RBFOX1: variants seen among roughly 807,000 people sequenced by gnomAD.
RBFOX1 encodes the protein RNA binding fox-1 homolog 1, also known as RNA binding protein fox-1 homolog 1.
In RBFOX1, 8 loss-of-function variants were observed where a neutral mutation model predicts 57.7. That is an observed-to-expected ratio of 0.14 (90% CI 0.08 to 0.25). RBFOX1 has a LOEUF of 0.25. Ranked by LOEUF, RBFOX1 falls within the 10% of genes least tolerant of loss-of-function variation. RBFOX1 has a pLI of 1.00. For missense variants in RBFOX1, 611 were observed against 548.5 expected (o/e 1.11, Z -1.14); for synonymous variants, 326 against 222.4 (o/e 1.47, Z -4.15).
intron 1 of RBFOX1, among the ~76,000 whole-genome samples, chr16:6,073,659 G>T (rs1367306212): frequency 6.6e-6 from 1 of 152,096 alleles, no homozygotes; most frequent in Admixed American, 6.5e-5. Context: ...TATTTAGAAT[G>T]CATAATCTTC....
intron 3 of RBFOX1, among the ~76,000 whole-genome samples, chr16:6,934,665 C>G (rs776511841): frequency 6.6e-6 from 1 of 152,040 alleles, no homozygotes; most frequent in Non-Finnish European, 1.5e-5. Context: ...ACCATATTCT[C>G]ACTCATATGT....
intron 1 of RBFOX1, among the ~76,000 whole-genome samples, chr16:5,410,499 C>G (rs113419110): frequency 9.8e-5 from 15 of 152,322 alleles, no homozygotes; most frequent in African/African-American, 3.4e-4. Flanking sequence ...TTGCTTCATT[C>G]TAATGAAATA....
At chr16:7,400,369 C>T (rs1025022606) in intron 4 of RBFOX1, among the ~76,000 whole-genome samples, 1 of 152,284 alleles carries the variant, frequency 6.6e-6, no homozygotes, top group East Asian at 1.9e-4. Context: ...AAGGAAACTG[C>T]AACCTCAGCA....
At chr16:7,408,451 T>C (rs1380371844) in intron 4 of RBFOX1, among the ~76,000 whole-genome samples, 1 of 152,182 alleles carries the variant, frequency 6.6e-6, no homozygotes, top group Non-Finnish European at 1.5e-5. Context: ...TCTCTGAAAA[T>C]ATTCCGTAAA....
intron 4 of RBFOX1, among the ~76,000 whole-genome samples, chr16:7,070,666 C>T (rs1469563142): frequency 6.6e-6 from 1 of 152,200 alleles, no homozygotes; most frequent in Non-Finnish European, 1.5e-5. Context: ...TCTCCCTTGG[C>T]ATGAAGTGAT....
At chr16:6,297,662 C>T (rs1279888908) in intron 1 of RBFOX1, among the ~76,000 whole-genome samples, 1 of 152,002 alleles carries the variant, frequency 6.6e-6, no homozygotes, top group African/African-American at 2.4e-5. Context: ...TGCTTTTTGG[C>T]CCACCACACC....
At chr16:6,175,118 C>T (rs1270909771) in intron 1 of RBFOX1, among the ~76,000 whole-genome samples, 1 of 152,146 alleles carries the variant, frequency 6.6e-6, no homozygotes, top group African/African-American at 2.4e-5. Context: ...ATCTCATATA[C>T]ATAGTAAATG....
At chr16:5,860,647 T>G (rs556509647) in intron 3 of RBFOX1, among the ~76,000 whole-genome samples, 1 of 152,228 alleles carries the variant, frequency 6.6e-6, no homozygotes, top group Admixed American at 6.5e-5. Context: ...TCCAGATACC[T>G]CCCCAGGGCT....
intron 4 of RBFOX1, among the ~76,000 whole-genome samples, chr16:7,292,365 TATATATC>T (rs2098966495): frequency 7.1e-6 from 1 of 139,900 alleles, no homozygotes; most frequent in Non-Finnish European, 1.5e-5. Context: ...TGTATTATGT[TATATATC>T]ATATATGATA....
intron 1 of RBFOX1, among the ~76,000 whole-genome samples, chr16:5,344,898 C>T (rs976147256): frequency 6.6e-6 from 1 of 152,206 alleles, no homozygotes; most frequent in African/African-American, 2.4e-5. Flanking sequence ...ACTCCAAATT[C>T]ATGTTTTTGC....
chr16:7,668,950 C>A (rs906830831), intron 13 of RBFOX1, among the ~76,000 whole-genome samples: 1 of 152,178 alleles, frequency 6.6e-6, no homozygotes, highest in Non-Finnish European at 1.5e-5. Flanking sequence ...GTCGCCCAGG[C>A]TGGAGCACAG....
intron 3 of RBFOX1, among the ~76,000 whole-genome samples, chr16:5,771,222 G>T (rs1020386205): frequency 1.3e-5 from 2 of 152,238 alleles, no homozygotes; most frequent in Non-Finnish European, 2.9e-5. Flanking sequence ...TGGACTGCTC[G>T]CTAGGTGCGA....
intron 3 of RBFOX1, among the ~76,000 whole-genome samples, chr16:6,785,189 A>C (rs936232784): frequency 2.6e-5 from 4 of 152,172 alleles, no homozygotes; most frequent in Admixed American, 6.5e-5. Flanking sequence ...TCTGCTCTGG[A>C]GAAAAAAAAT....
chr16:5,893,470 A>C (rs2058091028), intron 4 of RBFOX1, among the ~76,000 whole-genome samples: 1 of 152,176 alleles, frequency 6.6e-6, no homozygotes, highest in African/African-American at 2.4e-5. Flanking sequence ...TGGAGACCCC[A>C]TTTAACCTGA....
intron 2 of RBFOX1, chr16:6,483,533 G>C (rs1472118003): frequency 5.2e-6 from 8 of 1,535,502 alleles, no homozygotes; most frequent in Non-Finnish European, 7.0e-6. Context: ...AGTCGTGGGA[G>C]ATGCCCTTCA....
intron 4 of RBFOX1, among the ~76,000 whole-genome samples, chr16:7,453,050 A>T (rs1235134245): frequency 6.7e-6 from 1 of 148,926 alleles, no homozygotes; most frequent in African/African-American, 2.5e-5. Flanking sequence ...AATCTCTTGA[A>T]CCCGGGAGGT....
rs1255193812 is a variant in RBFOX1 at position 7,141,105 on chromosome 16, T to A, written c.27+89007T>A. On this transcript the variant is annotated intron_variant, in intron 4 of 15. Coordinates refer to ENST00000550418, the MANE Select transcript of RBFOX1 (RefSeq NM_018723.4). Reference sequence around the variant, plus strand: ...GCTGGGGTGGTTTCTGAACCATGAGTCATCTTGTGCAAAGTGGCTCTGGCT... The same window carrying A: ...GCTGGGGTGGTTTCTGAACCATGAGACATCTTGTGCAAAGTGGCTCTGGCT... Among the ~76,000 whole-genome samples, 3 of 151,902 alleles carry A rather than the reference T, an allele frequency of 2.0e-5. No individual in the cohort carries two copies. The East Asian group carries it at 5.8e-4, about 29-fold the overall frequency.
chr16:6,337,027 G>A (rs1306683853), intron 2 of RBFOX1, among the ~76,000 whole-genome samples: 4 of 152,144 alleles, frequency 2.6e-5, no homozygotes, highest in African/African-American at 9.7e-5. Context: ...TGGCATTGAG[G>A]AAAGCATTTT....
At chr16:6,122,031 G>A (rs547240763) in intron 1 of RBFOX1, among the ~76,000 whole-genome samples, 2 of 152,190 alleles carry the variant, frequency 1.3e-5, no homozygotes, top group African/African-American at 4.8e-5. Context: ...TCAGCCTCCT[G>A]CGTAGCTGGG....
Sources: gnomAD v4.1 joint callset for allele counts (sites outside exome capture counted in the v4.1 genomes callset) on GRCh38, gnomAD v4.1.1 for gene constraint, MANE v1.5 for transcripts, NCBI Gene and HGNC (gene_info 2026-07-23, HGNC 2026-07-21) for gene names.